KDM5A: variants seen among roughly 807,000 people sequenced by gnomAD.
KDM5A encodes the protein lysine-specific demethylase 5A.
A neutral mutation model predicts 193.5 loss-of-function variants in KDM5A; 42 were observed. That is an observed-to-expected ratio of 0.22 (90% confidence interval 0.17 to 0.28). The LOEUF is 0.28. Among genes scored for constraint, KDM5A ranks in the 10% least tolerant of loss-of-function variants. The pLI, the probability that KDM5A is intolerant of heterozygous loss-of-function variation, is 1.00. For missense variants in KDM5A, 1,692 were observed against 2,055.1 expected (o/e 0.82, Z 3.42); for synonymous variants, 796 against 718.1 (o/e 1.11, Z -1.73).
intron 10 of KDM5A, among the ~76,000 whole-genome samples, chr12:350,266 G>A (rs550755659): frequency 1.3e-5 from 2 of 151,976 alleles, no homozygotes; most frequent in African/African-American, 4.8e-5. Context: ...GTGAAACCCT[G>A]TCTCTACAAA....
At chr12:300,652 C>A (rs893596877) in intron 24 of KDM5A, among the ~76,000 whole-genome samples, 1 of 152,082 alleles carries the variant, frequency 6.6e-6, no homozygotes, top group African/African-American at 2.4e-5. Flanking sequence ...AATTCAAAAG[C>A]TAGCAGAAGG....
chr12:304,261 A>G (rs1943477616), intron 24 of KDM5A, among the ~76,000 whole-genome samples: 1 of 152,154 alleles, frequency 6.6e-6, no homozygotes, highest in Non-Finnish European at 1.5e-5. Context: ...CTCCTAAACC[A>G]AGAGGGGGCT....
chr12:372,931 A>G (rs1022547747), intron 3 of KDM5A, among the ~76,000 whole-genome samples: 1 of 152,198 alleles, frequency 6.6e-6, no homozygotes, highest in African/African-American at 2.4e-5. Flanking sequence ...CTTGCATCCC[A>G]GGGATGAAGC....
chr12:384,200 TAAG>T lies in KDM5A; in HGVS notation c.244-50_244-48del, dbSNP rs1446129647. 6 of 1,438,690 alleles carry T rather than the reference TAAG, an allele frequency of 4.2e-6. No individual in the cohort carries two copies. The African/African-American group carries it at 7.0e-5, about 17-fold the overall frequency. 89.1% of individuals were successfully genotyped at this position (1,438,690 alleles called of 1,614,324 possible). A position where few individuals can be genotyped will look rare whatever the true frequency, so the allele number is the denominator to read the frequency against. ...AGAACTAAGTTATGATTGAAATGAA[TAAG>T]AATAACAGAGCAGGGGTCCCCAAAC... is the stretch of plus-strand genomic sequence containing the variant. On this transcript the variant is annotated intron_variant, in intron 2 of 27. Transcript: ENST00000399788.
In KDM5A at chr12:323,210, C is replaced by CAAAAAAAAAAAAAAAGAAAAAAAAAAA; in HGVS notation, c.2151-5_2151-4insTTTTTTTTTTTCTTTTTTTTTTTTTTT. 2 of 294,574 alleles carry CAAAAAAAAAAAAAAAGAAAAAAAAAAA rather than the reference C, an allele frequency of 6.8e-6. No homozygotes were observed. The highest frequency in any genetic ancestry group is 3.8e-5 in the South Asian group (1 of 26,462). 18.2% of individuals were successfully genotyped at this position (294,574 alleles called of 1,614,324 possible). ...GTCTTCTAATGGGTAGCGATATCTA[C>CAAAAAAAAAAAAAAAGAAAAAAAAAAA]AAAAAAAAAAAAAAAAAAAAAAAAA... On this transcript the variant is annotated splice_region_variant and splice_polypyrimidine_tract_variant and intron_variant, in intron 15 of 27. Coordinates refer to ENST00000399788, the MANE Select transcript of KDM5A (RefSeq NM_001042603.3).
Position 389,300 on chromosome 12 carries a change from T to G in KDM5A, c.-209A>C. The G allele has an allele frequency of 1.4e-6, 1 of 691,076 alleles. No individual in the cohort carries two copies. Among genetic ancestry groups the G allele is most frequent in the Non-Finnish European group, 2.6e-6 (1 of 380,110 alleles). 42.8% of individuals were successfully genotyped at this position (691,076 alleles called of 1,614,324 possible). On this transcript the variant is annotated 5_prime_UTR_variant, in exon 1 of 28. Coordinates refer to ENST00000399788, the MANE Select transcript of KDM5A (RefSeq NM_001042603.3). ...CTTTTCCACTGAGGTTCAGGACTTT[T>G]CCGGAAGTTACCGTGCTGTCAAATC...
At position 318,256 on chromosome 12, in the gene KDM5A, T is replaced by A; in HGVS notation, c.2747A>T (p.Gln916Leu). The change falls in exon 19 of 28, where the codon CAA becomes CTA. Residue 916 changes from glutamine (Q) to leucine (L), a missense_variant. Gln to Leu is a moderately radical substitution (Grantham distance 113). Around this residue, in one of 11 missense-constraint regions of KDM5A, gnomAD observed 965 missense variants for 1,061.0 expected, o/e 0.91. Transcript: ENST00000399788. ...CTTCTTCATGACATCCAAAGTGACT[T>A]GTTGCGGATCTGATAAGGTCAGTCT... ...EVRLTLSDPQ[Q>L]VTLDVMKKLI... is the part of the protein sequence containing the mutation. 2 of 1,614,170 alleles carry A rather than the reference T, an allele frequency of 1.2e-6. No individual in the cohort carries two copies. The highest frequency in any genetic ancestry group is 2.2e-5 in the South Asian group (2 of 91,084).
chr12:336,358 T>TAAAA (rs61128182), intron 10 of KDM5A, among the ~76,000 whole-genome samples: 1 of 72,540 alleles, frequency 1.4e-5, no homozygotes, highest in Admixed American at 1.4e-4. Context: ...CCTGTCTCAC[T>TAAAA]AAAAAAAAAA....
At chr12:384,570 G>C (rs1334902966) in intron 2 of KDM5A, among the ~76,000 whole-genome samples, 1 of 151,954 alleles carries the variant, frequency 6.6e-6, no homozygotes, top group East Asian at 1.9e-4. Flanking sequence ...TTTCATTATT[G>C]CTTATTTCAA....
intron 3 of KDM5A, among the ~76,000 whole-genome samples, chr12:382,900 C>G (rs1944592429): frequency 6.6e-6 from 1 of 152,052 alleles, no homozygotes; most frequent in African/African-American, 2.4e-5. Flanking sequence ...CCATTGCACT[C>G]CAGCCTGGAC....
intron 3 of KDM5A, among the ~76,000 whole-genome samples, chr12:371,826 G>A (rs1591937244): frequency 6.6e-6 from 1 of 152,250 alleles, no homozygotes; most frequent in Non-Finnish European, 1.5e-5. Flanking sequence ...CATATGGCTA[G>A]CCAGTTTTCC....
intron 1 of KDM5A, among the ~76,000 whole-genome samples, 156 bp from the exon 2 acceptor site, chr12:386,130 G>A (rs1944634867): frequency 6.6e-6 from 1 of 152,072 alleles, no homozygotes; most frequent in South Asian, 2.1e-4. Flanking sequence ...AATTCTTTTC[G>A]ATAAAATAAT....
At chr12:349,682 T>C (rs1346477282) in intron 10 of KDM5A, among the ~76,000 whole-genome samples, 3 of 145,512 alleles carry the variant, frequency 2.1e-5, no homozygotes, top group Non-Finnish European at 4.5e-5. Flanking sequence ...GTTAAAATTT[T>C]GAACTAATTA....
intron 3 of KDM5A, among the ~76,000 whole-genome samples, chr12:378,781 AC>A (rs376488207): frequency 0.052 from 7,946 of 151,948 alleles, 564 homozygotes; most frequent in East Asian, 0.3. Flanking sequence ...ACAGGGTGAA[AC>A]CCCGTCTCTA....
In KDM5A at chr12:374,712, C is replaced by T. The variant is rs191292887; in HGVS notation, c.367-8608G>A. Reference sequence around the variant, plus strand: ...GGCATGTTTTTGCAGTGGCTGGTACCAGTTGTTCCTTTACATGTTTAGTGC... The same window carrying T: ...GGCATGTTTTTGCAGTGGCTGGTACTAGTTGTTCCTTTACATGTTTAGTGC... On this transcript the variant is annotated intron_variant, in intron 3 of 27. Coordinates refer to ENST00000399788, the MANE Select transcript of KDM5A (RefSeq NM_001042603.3). 7.5e-3 allele frequency among the ~76,000 whole-genome samples: 1,143 copies of T among 152,190 alleles called. 9 individuals are homozygous for T. The highest frequency in any genetic ancestry group is 0.025 in the African/African-American group (1,049 of 41,516).
intron 4 of KDM5A, among the ~76,000 whole-genome samples, chr12:364,538 C>G (rs1341571645): frequency 6.6e-6 from 1 of 151,272 alleles, no homozygotes; most frequent in African/African-American, 2.4e-5. Context: ...GTAATCCCAG[C>G]ACTTTGGGAG....
At chr12:380,532 A>G (rs1944560893) in intron 3 of KDM5A, among the ~76,000 whole-genome samples, 1 of 152,152 alleles carries the variant, frequency 6.6e-6, no homozygotes, top group Non-Finnish European at 1.5e-5. Context: ...CCTGGCCAAC[A>G]TGGTAAAAAC....
intron 27 of KDM5A, among the ~76,000 whole-genome samples, chr12:292,200 C>T (rs1256086038): frequency 6.6e-6 from 1 of 152,172 alleles, no homozygotes; most frequent in Admixed American, 6.5e-5. Context: ...CACACCTTGC[C>T]TGGCCTAAAA....
Position 282,214 on chromosome 12 carries a change from A to G in KDM5A, c.*3242T>C, listed in dbSNP as rs139668852. 1,304 of 242,038 alleles carry G rather than the reference A, an allele frequency of 5.4e-3. 42 individuals are homozygous for G. The East Asian group carries it at 0.069, about 13-fold the overall frequency. 15.0% of individuals were successfully genotyped at this position (242,038 alleles called of 1,614,324 possible). A position where few individuals can be genotyped will look rare whatever the true frequency, so the allele number is the denominator to read the frequency against. ...GACACATGGGGTCTCGCTGTTGACC[A>G]GGCGGGACTCAAACTCACAGGTTGA... On this transcript the variant is annotated 3_prime_UTR_variant, in exon 28 of 28. Transcript: ENST00000399788.
Sources: gnomAD v4.1 joint callset for allele counts (sites outside exome capture counted in the v4.1 genomes callset) on GRCh38, gnomAD v4.1.1 for gene constraint, gnomAD v4.1.1 regional missense constraint, MANE v1.5 for transcripts, NCBI Gene and HGNC (gene_info 2026-07-23, HGNC 2026-07-21) for gene names.